The following THTPA variants were observed in gnomAD, a reference collection of about 807,000 sequenced individuals.
The protein encoded by THTPA is thiamine-triphosphatase.
A neutral mutation model predicts 16.5 loss-of-function variants in THTPA; 16 were observed. The observed-to-expected ratio is 0.97, with a 90% CI of 0.66 to 1.47. The LOEUF is 1.47. THTPA is among the 40% of genes most tolerant of loss of function. THTPA has a pLI of 0.00. For missense variants in THTPA, 281 were observed against 280.9 expected (o/e 1.00, Z 0.00); for synonymous variants, 110 against 115.5 (o/e 0.95, Z 0.30).
chr14:23,520,365 G>A, the THTPA span, among the ~76,000 whole-genome samples: 2 of 149,076 alleles, frequency 1.3e-5, no homozygotes, highest in South Asian at 4.3e-4. This position sits in a 1 kb window ranked among gnomAD's most constrained non-coding sequence, Gnocchi z 8.7. Context: ...GGGGGGAAGG[G>A]AACAAGGGAC....
At chr14:23,517,408 C>T in the THTPA span, among the ~76,000 whole-genome samples, 1 of 152,160 alleles carries the variant, frequency 6.6e-6, no homozygotes. Context: ...ATCCTGTAGA[C>T]CCTGAGGCTG....
chr14:23,521,131 A>C, the THTPA span: 2 of 152,262 alleles, frequency 1.3e-5, no homozygotes, highest in African/African-American at 2.4e-5. Flanking sequence ...TCTGTGTTTA[A>C]AGCCTTTGAG....
chr14:23,538,664 G>C, the THTPA span, among the ~76,000 whole-genome samples: 2 of 152,012 alleles, frequency 1.3e-5, no homozygotes, highest in African/African-American at 4.8e-5. Context: ...CTCAGATGTG[G>C]GTAAAGAGAC....
the THTPA span, chr14:23,530,741 C>T: frequency 3.4e-6 from 1 of 296,410 alleles, no homozygotes; most frequent in African/African-American, 2.3e-5. Flanking sequence ...AGCTATTGAT[C>T]TGGGCCCCTC....
chr14:23,524,027 G>T, the THTPA span: 1 of 1,514,334 alleles, frequency 6.6e-7, no homozygotes, highest in Non-Finnish European at 8.8e-7. The surrounding 1 kb of genome is among the most constrained non-coding windows in gnomAD (Gnocchi z 5.6). Context: ...AGAAGCAAGC[G>T]TGGCAGTGGG....
In THTPA at chr14:23,560,090, G is replaced by T; in HGVS notation, c.*1250G>T. On this transcript the variant is annotated 3_prime_UTR_variant, in exon 2 of 2. Coordinates refer to ENST00000288014, the MANE Select transcript of THTPA (RefSeq NM_024328.6). ...TATGGCAGTAGGTAGGGCTCAGGCA[G>T]CCCCTCTATACTCAGTGGCTCCACA... 1 of 1,433,398 alleles carries T rather than the reference G, an allele frequency of 7.0e-7. No homozygotes were observed. The highest frequency in any genetic ancestry group is 9.7e-7 in the Non-Finnish European group (1 of 1,032,008). The allele number at this position is 1,433,398 out of a possible 1,614,324, so 88.8% of individuals were successfully genotyped here.
chr14:23,559,036 C>T lies in THTPA; in HGVS notation c.*196C>T. 1.5e-6 allele frequency: 1 copy of T among 646,662 alleles called. No homozygotes were observed. Among genetic ancestry groups the T allele is most frequent in the Non-Finnish European group, 2.6e-6 (1 of 385,846 alleles). 40.1% of individuals were successfully genotyped at this position (646,662 alleles called of 1,614,324 possible). A position where few individuals can be genotyped will look rare whatever the true frequency, so the allele number is the denominator to read the frequency against. ...CTTCCTCTCGCTCATCCGTCAGATG[C>T]AATCTGTGGGCCGCCCCTCTCCCCT... On this transcript the variant is annotated 3_prime_UTR_variant, in exon 2 of 2. Coordinates refer to ENST00000288014, the MANE Select transcript of THTPA (RefSeq NM_024328.6).
the THTPA span, chr14:23,534,172 A>G: frequency 6.8e-7 from 1 of 1,473,838 alleles, no homozygotes; most frequent in Non-Finnish European, 9.0e-7. The surrounding 1 kb of genome is among the most constrained non-coding windows in gnomAD (Gnocchi z 4.5). Flanking sequence ...TGGGGGGCAG[A>G]GCCCTCCATC....
chr14:23,557,173 AG>A lies in THTPA; in HGVS notation c.417del (p.Glu139AspfsTer20). Reference sequence around the variant, plus strand: ...GTGCTCTTGGGAGCTGATGAAGAGGAGCCACAGCTCAGGGTGGACTTGGATA... The same window carrying A: ...GTGCTCTTGGGAGCTGATGAAGAGGACCACAGCTCAGGGTGGACTTGGATA... ...KLVLLGADEEEPQLRVDLDTA... is the reference protein window; with the variant it reads ...KLVLLGADEEXPQLRVDLDTA... On this transcript the variant is annotated frameshift_variant, in exon 1 of 2. Coordinates refer to ENST00000288014, the MANE Select transcript of THTPA (RefSeq NM_024328.6). LOFTEE classifies it high-confidence loss of function. 1 of 1,614,074 alleles carries A rather than the reference AG, an allele frequency of 6.2e-7. No homozygotes were observed. The highest frequency in any genetic ancestry group is 1.3e-5 in the African/African-American group (1 of 75,014).
chr14:23,517,692 G>A, the THTPA span, among the ~76,000 whole-genome samples: 1 of 152,240 alleles, frequency 6.6e-6, no homozygotes, highest in African/African-American at 2.4e-5. Flanking sequence ...CATCGGGTGT[G>A]TGTGTGTTTG....
the THTPA span, among the ~76,000 whole-genome samples, chr14:23,539,350 G>C: frequency 1.5e-4 from 23 of 152,118 alleles, no homozygotes; most frequent in Non-Finnish European, 3.1e-4. Context: ...ATATACAGTC[G>C]TAATTACTGA....
chr14:23,520,703 G>A, the THTPA span, among the ~76,000 whole-genome samples: 2 of 151,316 alleles, frequency 1.3e-5, no homozygotes, highest in Admixed American at 6.6e-5. The surrounding 1 kb of genome is among the most constrained non-coding windows in gnomAD (Gnocchi z 8.7). Context: ...GGCTGCACCG[G>A]CATCGGCCCT....
the THTPA span, among the ~76,000 whole-genome samples, chr14:23,515,384 G>A: frequency 6.6e-6 from 1 of 152,210 alleles, no homozygotes; most frequent in Non-Finnish European, 1.5e-5. Context: ...AGGTAGACAG[G>A]TGTTAGGAAG....
chr14:23,527,929 T>A, the THTPA span: 8 of 787,182 alleles, frequency 1.0e-5, no homozygotes, highest in Admixed American at 5.8e-5. Context: ...TTTTTTTAGA[T>A]GGAGTCTGGC....
upstream of THTPA, among the ~76,000 whole-genome samples, chr14:23,555,539 G>A (rs1043503651): frequency 6.6e-6 from 1 of 152,028 alleles, no homozygotes; most frequent in Non-Finnish European, 1.5e-5. Flanking sequence ...TTTAGTTCCT[G>A]GCCAAAATAC....
At chr14:23,527,841 G>C in the THTPA span, 242 of 1,527,276 alleles carry the variant, frequency 1.6e-4, no homozygotes, top group Non-Finnish European at 2.1e-4. Flanking sequence ...GAAGTGTCAG[G>C]GAAGGATGGG....
chr14:23,542,001 A>G, the THTPA span, among the ~76,000 whole-genome samples: 2 of 152,188 alleles, frequency 1.3e-5, no homozygotes, highest in African/African-American at 4.8e-5. Flanking sequence ...TATGGCAGGG[A>G]ATGAGACAAG....
the THTPA span, among the ~76,000 whole-genome samples, chr14:23,528,020 C>T: frequency 6.6e-6 from 1 of 151,676 alleles, no homozygotes; most frequent in Non-Finnish European, 1.5e-5. Flanking sequence ...AATTCTCCTG[C>T]CCTCAGCCTC....
chr14:23,528,773 T>C, the THTPA span: 1 of 985,382 alleles, frequency 1.0e-6, no homozygotes, highest in South Asian at 4.7e-5. Flanking sequence ...GGCCCAGCCC[T>C]CTCAGCACAT....
Sources: allele counts gnomAD v4.1 joint callset (sites outside exome capture counted in the v4.1 genomes callset), GRCh38; gene constraint gnomAD v4.1.1; non-coding constraint Gnocchi (gnomAD v3.1); transcripts MANE v1.5; gene names NCBI Gene and HGNC (gene_info 2026-07-23, HGNC 2026-07-21).